The following FPR3 variants were observed in gnomAD, a reference collection of about 807,000 sequenced individuals.
FPR3 encodes the protein N-formyl peptide receptor 3.
For missense variants in FPR3, 346 were observed against 443.2 expected, an observed-to-expected ratio of 0.78 and a Z score of 1.97; for synonymous variants, 135 against 163.6, an observed-to-expected ratio of 0.83 and a Z score of 1.34.
At chr19:51,814,938 T>G (rs139877795) in intron 1 of FPR3, among the ~76,000 whole-genome samples, 1 of 151,896 alleles carries the variant, frequency 6.6e-6, no homozygotes, top group Non-Finnish European at 1.5e-5. Flanking sequence ...GCCTCCAAAG[T>G]AGCTGGGACT....
At chr19:51,804,288 T>G (rs1470274869) in intron 1 of FPR3, among the ~76,000 whole-genome samples, 1 of 151,992 alleles carries the variant, frequency 6.6e-6, no homozygotes, top group Non-Finnish European at 1.5e-5. Context: ...ATTTAAGTAC[T>G]GGGCAGAATC....
Position 51,797,977 on chromosome 19 carries a change from G to A in FPR3, c.-11+2646G>A, listed in dbSNP as rs1027246088. On this transcript the variant is annotated intron_variant, in intron 1 of 1. Transcript: ENST00000339223. The stretch of plus-strand genomic sequence containing the variant: ...GCTCACTGCAACCTCTGCCTCCTGG[G>A]TTCAAGCGATTCCCCCACCTCAGCC... Among the ~76,000 whole-genome samples the A allele has an allele frequency of 2.9e-5, 4 of 139,482 alleles. No individual in the cohort carries two copies. The East Asian group carries it at 9.0e-4, about 31-fold the overall frequency. The allele number at this position is 139,482 out of a possible 152,430, so 91.5% of individuals were successfully genotyped here. A position where few individuals can be genotyped will look rare whatever the true frequency, so the allele number is the denominator to read the frequency against.
intron 1 of FPR3, among the ~76,000 whole-genome samples, chr19:51,803,357 G>T (rs1425169541): frequency 1.3e-5 from 2 of 151,988 alleles, no homozygotes; most frequent in Non-Finnish European, 1.5e-5. Flanking sequence ...CCTTTACCTT[G>T]CTTTCTCCAC....
intron 1 of FPR3, among the ~76,000 whole-genome samples, chr19:51,820,018 G>T (rs1333126025): frequency 6.6e-6 from 1 of 152,158 alleles, no homozygotes; most frequent in Non-Finnish European, 1.5e-5. Context: ...AATAGCAAGG[G>T]CACGTAAATT....
At chr19:51,805,139 G>C (rs1029926974) in intron 1 of FPR3, 2 of 152,206 alleles carry the variant, frequency 1.3e-5, no homozygotes, top group Non-Finnish European at 2.9e-5. Context: ...AGTTGGTCAC[G>C]TCCCATGGGC....
chr19:51,824,336 C>A lies in FPR3; in HGVS notation c.588C>A (p.Thr196=). ...TAVERLNVFI[T]MAKVFLILHF... is the part of the protein sequence containing the mutation. ...TAGAGAGGTTGAACGTGTTCATTAC[C>A]ATGGCCAAGGTCTTTCTGATCCTCC... Residue 196 remains threonine (T), a synonymous_variant, in exon 2 of 2, where the codon ACC becomes ACA. Coordinates refer to ENST00000339223, the MANE Select transcript of FPR3 (RefSeq NM_002030.5). This position sits in a 1 kb window ranked among gnomAD's most constrained non-coding sequence, Gnocchi z 4.7. 1 of 1,614,104 alleles carries A rather than the reference C, an allele frequency of 6.2e-7. No homozygotes were observed. Among genetic ancestry groups the A allele is most frequent in the Non-Finnish European group, 8.5e-7 (1 of 1,179,988 alleles).
chr19:51,797,443 T>C (rs1328254576), intron 1 of FPR3, among the ~76,000 whole-genome samples: 1 of 152,196 alleles, frequency 6.6e-6, no homozygotes, highest in South Asian at 2.1e-4. Context: ...CGTGATTATG[T>C]GATAGAATGA....
intron 1 of FPR3, among the ~76,000 whole-genome samples, chr19:51,808,642 C>T (rs916291590): frequency 1.3e-5 from 2 of 152,224 alleles, no homozygotes; most frequent in South Asian, 2.1e-4. Flanking sequence ...TTATCCTTCT[C>T]GTGTAAGGGT....
intron 1 of FPR3, among the ~76,000 whole-genome samples, chr19:51,800,775 G>C (rs985923282): frequency 6.6e-6 from 1 of 152,094 alleles, no homozygotes; most frequent in Non-Finnish European, 1.5e-5. Flanking sequence ...TGGTAACAAT[G>C]TGTAAAGTGA....
Position 51,819,215 on chromosome 19 carries a change from C to T in FPR3, c.-10-4524C>T, listed in dbSNP as rs543565142. On this transcript the variant is annotated intron_variant, in intron 1 of 1. Coordinates refer to ENST00000339223, the MANE Select transcript of FPR3 (RefSeq NM_002030.5). ...GGGACAAGCAACAGTTTAGTTTGGG[C>T]AATGTTGGGTTTGGAGTGTCTATGG... 1.3e-4 allele frequency among the ~76,000 whole-genome samples: 20 copies of T among 152,188 alleles called. No homozygotes were observed. In the East Asian group the frequency reaches 3.7e-3, roughly 28 times the overall value.
chr19:51,814,366 C>T (rs556642278), intron 1 of FPR3, among the ~76,000 whole-genome samples: 28 of 152,334 alleles, frequency 1.8e-4, no homozygotes, highest in African/African-American at 1.2e-4. Context: ...CTTAGAGCTG[C>T]GTTGCAGGTC....
intron 1 of FPR3, among the ~76,000 whole-genome samples, chr19:51,801,507 G>A (rs757515192): frequency 1.7e-4 from 26 of 152,158 alleles, no homozygotes; most frequent in Admixed American, 4.6e-4. Context: ...GCGGCCGGAC[G>A]CGGTGGCTCA....
rs73061066 is a variant in FPR3 at position 51,814,238 on chromosome 19, T to C, written c.-10-9501T>C. ...TTGTGTTGTTTCAGCCGGAGGACAA[T>C]GTCCTGATGTTGCTTAAAATCTCAG... On this transcript the variant is annotated intron_variant, in intron 1 of 1. Coordinates refer to ENST00000339223, the MANE Select transcript of FPR3 (RefSeq NM_002030.5). Among the ~76,000 whole-genome samples the C allele has an allele frequency of 3.0e-3, 460 of 152,304 alleles. 2 individuals carry two copies. Among genetic ancestry groups the C allele is most frequent in the Non-Finnish European group, 5.4e-3 (367 of 68,018 alleles).
intron 1 of FPR3, among the ~76,000 whole-genome samples, chr19:51,806,687 T>C (rs1281489709): frequency 1.3e-5 from 2 of 152,256 alleles, no homozygotes; most frequent in African/African-American, 4.8e-5. Flanking sequence ...AGGTCCATTG[T>C]CAATTTTTAA....
At chr19:51,796,831 C>T (rs955615540) in intron 1 of FPR3, among the ~76,000 whole-genome samples, 17 of 152,060 alleles carry the variant, frequency 1.1e-4, no homozygotes, top group East Asian at 1.9e-4. Flanking sequence ...GGGACTCCCA[C>T]GGGGAGAGGT....
chr19:51,822,881 G>A (rs1265600387), intron 1 of FPR3, among the ~76,000 whole-genome samples: 2 of 151,882 alleles, frequency 1.3e-5, no homozygotes, highest in East Asian at 3.9e-4. Context: ...TTTTGTGGGG[G>A]GAAATGGAAT....
At chr19:51,795,504 C>CCTTTTTTTTTT (rs1568425575) in intron 1 of FPR3, among the ~76,000 whole-genome samples, 173 bp downstream of exon 1, 2 of 74,732 alleles carry the variant, frequency 2.7e-5, no homozygotes, top group African/African-American at 6.2e-5. Flanking sequence ...CAGTAACATT[C>CCTTTTTTTTTT]TTTTTTTTTT....
rs2084230921 is a variant in FPR3 at position 51,826,159 on chromosome 19, G to T, written c.*1349G>T. On this transcript the variant is annotated 3_prime_UTR_variant, in exon 2 of 2. Transcript: ENST00000339223. The stretch of plus-strand genomic sequence containing the variant: ...AAGTTTTCAATGTTAAGCTACCCTT[G>T]CATTTATGAAATAAACCACGCTTGC... 1 of 152,302 alleles carries T rather than the reference G, an allele frequency of 6.6e-6. No individual in the cohort carries two copies. The highest frequency in any genetic ancestry group is 2.4e-5 in the African/African-American group (1 of 41,408). 9.4% of individuals were successfully genotyped at this position (152,302 alleles called of 1,614,324 possible). A position where few individuals can be genotyped will look rare whatever the true frequency, so the allele number is the denominator to read the frequency against.
chr19:51,824,179 G>A lies in FPR3; in HGVS notation c.431G>A (p.Arg144Lys). Residue 144 changes from arginine to lysine, a missense_variant, in exon 2 of 2, where the codon AGG becomes AAG. Arg to Lys is a conservative substitution (Grantham distance 26). Coordinates refer to ENST00000339223, the MANE Select transcript of FPR3 (RefSeq NM_002030.5). This position sits in a 1 kb window ranked among gnomAD's most constrained non-coding sequence, Gnocchi z 4.7. ...QNHRTMSLAK[R>K]VMTGLWIFTI... is the part of the protein sequence containing the mutation. ...CATCGCACCATGAGTCTGGCCAAGAGGGTGATGACGGGACTCTGGATTTTC... is the reference window on the plus strand; with the variant it reads ...CATCGCACCATGAGTCTGGCCAAGAAGGTGATGACGGGACTCTGGATTTTC... The A allele has an allele frequency of 1.2e-6, 2 of 1,614,142 alleles. No individual in the cohort carries two copies. Among genetic ancestry groups the A allele is most frequent in the Non-Finnish European group, 1.7e-6 (2 of 1,180,008 alleles).
Sources: gnomAD v4.1 joint callset for allele counts (sites outside exome capture counted in the v4.1 genomes callset) on GRCh38, gnomAD v4.1.1 for gene constraint, Gnocchi (gnomAD v3.1) non-coding constraint, MANE v1.5 for transcripts, NCBI Gene and HGNC (gene_info 2026-07-23, HGNC 2026-07-21) for gene names.